FBXL7: variants seen among roughly 807,000 people sequenced by gnomAD.
FBXL7 encodes F-box and leucine rich repeat protein 7, also known as F-box/LRR-repeat protein 7.
FBXL7 carries 12 observed loss-of-function variants against 38.3 expected under a neutral mutation model. The observed-to-expected ratio is 0.31, with a 90% confidence interval of 0.20 to 0.51. FBXL7 has a LOEUF of 0.51. FBXL7 is among the 20% of genes least tolerant of loss of function. The pLI, the probability that FBXL7 is intolerant of heterozygous loss-of-function variation, is 0.98. For synonymous variants in FBXL7, 297 were observed against 300.9 expected, an observed-to-expected ratio of 0.99 and a Z score of 0.13; for missense variants, 567 against 676.4, an observed-to-expected ratio of 0.84 and a Z score of 1.79.
intron 1 of FBXL7, among the ~76,000 whole-genome samples, chr5:15,513,068 G>A (rs1247246390): frequency 6.6e-6 from 1 of 152,094 alleles, no homozygotes; most frequent in Admixed American, 6.6e-5. Flanking sequence ...TGTGTATCTG[G>A]TGTGATTGGA....
At chr5:15,884,241 CAGGGA>C (rs769034421) in intron 2 of FBXL7, among the ~76,000 whole-genome samples, 36 of 147,680 alleles carry the variant, frequency 2.4e-4, no homozygotes, top group African/African-American at 8.2e-4. Context: ...ACTATGGGAT[CAGGGA>C]ATCTTCTTTC....
At chr5:15,917,646 GA>G (rs1561187510) in intron 2 of FBXL7, among the ~76,000 whole-genome samples, 1,358 of 48,192 alleles carry the variant, frequency 0.028, 40 homozygotes, top group African/African-American at 0.14. Flanking sequence ...GGAAGGGAGG[GA>G]AGGAAGGAAG....
chr5:15,615,910 G>A (rs2126518725), intron 1 of FBXL7, 73 bp from the exon 2 acceptor site: 1 of 929,288 alleles, frequency 1.1e-6, no homozygotes, highest in East Asian at 2.5e-5. Context: ...GGCTTGCTGT[G>A]GGACCGAGTG....
chr5:15,576,874 A>G (rs1053654539), intron 1 of FBXL7, among the ~76,000 whole-genome samples: 5 of 152,076 alleles, frequency 3.3e-5, no homozygotes, highest in African/African-American at 1.2e-4. Flanking sequence ...TGTCTTTCCC[A>G]TTATTTTGTA....
intron 2 of FBXL7, among the ~76,000 whole-genome samples, chr5:15,667,560 T>G (rs533457442): frequency 6.6e-6 from 1 of 152,330 alleles, no homozygotes; most frequent in Non-Finnish European, 1.5e-5. Context: ...CCTATTTTGA[T>G]TCTGTGTAAG....
intron 2 of FBXL7, among the ~76,000 whole-genome samples, chr5:15,856,515 A>G (rs975690196): frequency 2.0e-5 from 3 of 152,046 alleles, no homozygotes; most frequent in Non-Finnish European, 4.4e-5. Flanking sequence ...GTTTACCTAT[A>G]TAACAAACCT....
At chr5:15,609,717 G>C (rs966244572) in intron 1 of FBXL7, among the ~76,000 whole-genome samples, 3 of 152,206 alleles carry the variant, frequency 2.0e-5, no homozygotes, top group African/African-American at 4.8e-5. Context: ...AAGCTGCAGC[G>C]AAGACTGCCC....
chr5:15,899,651 G>A (rs1741187149), intron 2 of FBXL7, among the ~76,000 whole-genome samples: 1 of 152,150 alleles, frequency 6.6e-6, no homozygotes, highest in South Asian at 2.1e-4. Context: ...GAGAAGCTCA[G>A]AAGGGTGATG....
chr5:15,838,382 T>C (rs1208817228), intron 2 of FBXL7, among the ~76,000 whole-genome samples: 2 of 151,888 alleles, frequency 1.3e-5, no homozygotes, highest in African/African-American at 4.8e-5. Flanking sequence ...ATGCGAGGGG[T>C]CTCTTTTATA....
intron 2 of FBXL7, among the ~76,000 whole-genome samples, chr5:15,800,656 A>G (rs1056450901): frequency 2.0e-5 from 3 of 152,218 alleles, no homozygotes; most frequent in Non-Finnish European, 4.4e-5. Flanking sequence ...GGTGAAACAT[A>G]TCACCATTGC....
At chr5:15,668,988 G>T (rs372519058) in intron 2 of FBXL7, among the ~76,000 whole-genome samples, 3 of 152,310 alleles carry the variant, frequency 2.0e-5, no homozygotes, top group South Asian at 4.1e-4. Context: ...AATGCTTAGA[G>T]TGAGGGATCA....
intron 1 of FBXL7, among the ~76,000 whole-genome samples, chr5:15,604,826 A>C (rs1739952377): frequency 6.6e-6 from 1 of 152,048 alleles, no homozygotes; most frequent in Non-Finnish European, 1.5e-5. Context: ...ATCTCAGTTG[A>C]GGCTGTAGCT....
intron 2 of FBXL7, among the ~76,000 whole-genome samples, chr5:15,646,222 C>T (rs1741530329): frequency 6.6e-6 from 1 of 152,166 alleles, no homozygotes; most frequent in African/African-American, 2.4e-5. Flanking sequence ...TAATAAGTAA[C>T]TACTTCCTTT....
At chr5:15,877,440 G>T (rs1234764580) in intron 2 of FBXL7, among the ~76,000 whole-genome samples, 1 of 152,116 alleles carries the variant, frequency 6.6e-6, no homozygotes, top group African/African-American at 2.4e-5. Context: ...TTTCATGAGG[G>T]ATTCATTTAA....
intron 1 of FBXL7, among the ~76,000 whole-genome samples, chr5:15,527,227 T>C (rs746950346): frequency 2.6e-5 from 4 of 152,238 alleles, no homozygotes; most frequent in Non-Finnish European, 5.9e-5. Context: ...GTCAGTAATG[T>C]CAGGTATAAT....
At chr5:15,647,609 T>TA (rs757548982) in intron 2 of FBXL7, among the ~76,000 whole-genome samples, 1 of 152,098 alleles carries the variant, frequency 6.6e-6, no homozygotes, top group Non-Finnish European at 1.5e-5. Flanking sequence ...CTTTCATACT[T>TA]ACTTCTTTTC....
intron 1 of FBXL7, among the ~76,000 whole-genome samples, chr5:15,567,457 A>T (rs1738618879): frequency 6.6e-6 from 1 of 152,120 alleles, no homozygotes; most frequent in Admixed American, 6.6e-5. Context: ...ACAGTGAAAC[A>T]GTGTGAGTTG....
chr5:15,603,510 G>A (rs1739875397), intron 1 of FBXL7, among the ~76,000 whole-genome samples: 1 of 152,152 alleles, frequency 6.6e-6, no homozygotes, highest in Non-Finnish European at 1.5e-5. Context: ...CAGAATTCAG[G>A]CCCAAGCCTT....
At chr5:15,581,140 C>A (rs2126467283) in intron 1 of FBXL7, among the ~76,000 whole-genome samples, 1 of 152,270 alleles carries the variant, frequency 6.6e-6, no homozygotes, top group Non-Finnish European at 1.5e-5. Flanking sequence ...TATATTGATC[C>A]ATTTTACCTC....
Sources: gnomAD v4.1 joint callset for allele counts (sites outside exome capture counted in the v4.1 genomes callset) on GRCh38, gnomAD v4.1.1 for gene constraint, MANE v1.5 for transcripts, NCBI Gene and HGNC (gene_info 2026-07-23, HGNC 2026-07-21) for gene names.